Variants in IGFN1 observed in about 807,000 individuals in gnomAD.
IGFN1 encodes the protein immunoglobulin like and fibronectin type III domain containing 1.
IGFN1 carries 253 observed loss-of-function variants against 289.5 expected under a neutral mutation model. The ratio of observed to expected loss-of-function variants is 0.87; its 90% CI spans 0.79 to 0.97. The LOEUF (loss-of-function observed/expected upper bound fraction) is 0.97, where lower values mean the gene tolerates loss of function less well. Among genes scored for constraint, IGFN1 ranks in the 50% least tolerant of loss-of-function variants. IGFN1 has a pLI of 0.00. For missense variants in IGFN1, 4,470 were observed against 4,686.1 expected (o/e 0.95, Z 1.35); for synonymous variants, 1,706 against 1,788.5 (o/e 0.95, Z 1.16).
At position 201,207,784 on chromosome 1, in the gene IGFN1, A is replaced by C; in HGVS notation, c.2891A>C (p.Glu964Ala). Reference sequence around the variant, plus strand: ...GAGGGTGGCTTAGGATATTCTAGGGAAATAAGCTCTAAAAGCGGGGCTGGT... The same window carrying C: ...GAGGGTGGCTTAGGATATTCTAGGGCAATAAGCTCTAAAAGCGGGGCTGGT... ...RYEGGLGYSR[E>A]ISSKSGAGYS... is the part of the protein sequence containing the mutation. The change falls in exon 12 of 24, where the codon GAA becomes GCA. Residue 964 changes from glutamate (E) to alanine (A), a missense_variant. Around this residue, in one of 8 missense-constraint regions of IGFN1, gnomAD observed 2,011 missense variants for 1,953.4 expected, o/e 1.03. Transcript: ENST00000335211. The C allele has an allele frequency of 6.5e-7, 1 of 1,536,312 alleles. No individual in the cohort carries two copies. Among genetic ancestry groups the C allele is most frequent in the South Asian group, 1.2e-5 (1 of 83,944 alleles).
chr1:201,207,857 T>G lies in IGFN1; in HGVS notation c.2964T>G (p.Gly988=), dbSNP rs901616307. 6.5e-6 allele frequency: 10 copies of G among 1,535,856 alleles called. No homozygotes were observed. In the African/African-American group the frequency reaches 1.4e-4, roughly 21 times the overall value. The change falls in exon 12 of 24, where the codon GGT becomes GGG. Residue 988 remains glycine (G), a synonymous_variant. Coordinates refer to ENST00000335211, the MANE Select transcript of IGFN1 (RefSeq NM_001164586.2). The part of the protein sequence containing the change: ...GVPGEMGSGH[G]AGCRVSPRAP... ...CAGGAGAAATGGGGTCCGGCCATGG[T>G]GCTGGTTGTAGAGTTTCCCCTAGGG... is the stretch of plus-strand genomic sequence containing the variant.
In IGFN1 at chr1:201,206,393, C is replaced by T; in HGVS notation, c.1500C>T (p.Ala500=). ...EGFPVAEGSR[A]TLPRENQSHR... is the part of the protein sequence containing the mutation. Reference sequence around the variant, plus strand: ...TTCCAGTAGCAGAGGGAAGCAGAGCCACTCTTCCCAGGGAAAATCAATCCC... The same window carrying T: ...TTCCAGTAGCAGAGGGAAGCAGAGCTACTCTTCCCAGGGAAAATCAATCCC... Residue 500 remains alanine (A), a synonymous_variant, in exon 12 of 24, where the codon GCC becomes GCT. Transcript: ENST00000335211. 2 of 1,550,764 alleles carry T rather than the reference C, an allele frequency of 1.3e-6. No individual in the cohort carries two copies. The highest frequency in any genetic ancestry group is 1.7e-6 in the Non-Finnish European group (2 of 1,146,972).
chr1:201,201,570 G>C (rs934598702), intron 8 of IGFN1, 149 bp from the exon 9 acceptor site: 4 of 566,056 alleles, frequency 7.1e-6, no homozygotes, highest in Middle Eastern at 4.4e-4. Context: ...TCCTTGAGGG[G>C]CTTACTTTCC....
intron 11 of IGFN1, 136 bp from the exon 12 acceptor site, chr1:201,205,947 C>T (rs10920142): frequency 1.6e-4 from 109 of 669,458 alleles, no homozygotes; most frequent in South Asian, 1.6e-3. Context: ...CCTTGCTTCT[C>T]TCCTGGGGAA....
intron 5 of IGFN1, among the ~76,000 whole-genome samples, chr1:201,197,744 G>T (rs186003405): frequency 1.0e-3 from 154 of 152,176 alleles, no homozygotes; most frequent in African/African-American, 3.5e-3. Context: ...GTTTTTTTTG[G>T]TGTGCGTGGT....
Position 201,208,317 on chromosome 1 carries a change from G to A in IGFN1, c.3424G>A (p.Glu1142Lys), listed in dbSNP as rs115832654. The change falls in exon 12 of 24, where the codon GAA (glutamate) becomes AAA (lysine). Residue 1142 changes from glutamate to lysine, a missense_variant. Physicochemically the swap from Glu to Lys is moderately conservative, Grantham distance 56 (BLOSUM62 1). Around this residue, in one of 8 missense-constraint regions of IGFN1, gnomAD observed 2,011 missense variants for 1,953.4 expected, o/e 1.03. Coordinates refer to ENST00000335211, the MANE Select transcript of IGFN1 (RefSeq NM_001164586.2). ...GGGGGCCTTTGGAGAAGGAGGCTAT[G>A]AAGATGGCTCTGGGGGTCCAGGAGC... ...ALGAFGEGGY[E>K]DGSGGPGAMG... The A allele has an allele frequency of 2.8e-4, 428 of 1,515,790 alleles. 2 individuals carry two copies. The African/African-American group carries it at 5.0e-3, about 18-fold the overall frequency. The allele number at this position is 1,515,790 out of a possible 1,614,324, so 93.9% of individuals were successfully genotyped here. A position where few individuals can be genotyped will look rare whatever the true frequency, so the allele number is the denominator to read the frequency against.
rs1020984842 is a variant in IGFN1 at position 201,215,793 on chromosome 1, A to T, written c.9250A>T (p.Ser3084Cys). 3.6e-5 allele frequency: 58 copies of T among 1,597,736 alleles called. No homozygotes were observed. Among genetic ancestry groups the T allele is most frequent in the Non-Finnish European group, 4.8e-5 (56 of 1,170,694 alleles). The change falls in exon 15 of 24, where the codon AGT (serine) becomes TGT (cysteine). Residue 3084 changes from serine to cysteine, a missense_variant. Around this residue, in one of 8 missense-constraint regions of IGFN1, gnomAD observed 2,218 missense variants for 2,114.1 expected, o/e 1.05. Coordinates refer to ENST00000335211, the MANE Select transcript of IGFN1 (RefSeq NM_001164586.2). ...TGGCCAGTACAGCGTGACACTGAGG[A>T]GTGAGGGAGGCTCTGTGCAGGCCGA... The part of the protein sequence containing the change: ...DCGQYSVTLR[S>C]EGGSVQAELT...
chr1:201,207,777 T>A lies in IGFN1; in HGVS notation c.2884T>A (p.Ser962Thr), dbSNP rs1159875751. The change falls in exon 12 of 24, where the codon TCT (serine) becomes ACT (threonine). Residue 962 changes from serine to threonine, a missense_variant. Physicochemically the swap from Ser to Thr is moderately conservative, Grantham distance 58 (BLOSUM62 1). Coordinates refer to ENST00000335211, the MANE Select transcript of IGFN1 (RefSeq NM_001164586.2). ...TAGGTACGAGGGTGGCTTAGGATATTCTAGGGAAATAAGCTCTAAAAGCGG... is the reference window on the plus strand; with the variant it reads ...TAGGTACGAGGGTGGCTTAGGATATACTAGGGAAATAAGCTCTAAAAGCGG... Reference protein sequence around the residue: ...ESRYEGGLGYSREISSKSGAG... With the variant: ...ESRYEGGLGYTREISSKSGAG... 7.2e-6 allele frequency: 11 copies of A among 1,536,238 alleles called. No individual in the cohort carries two copies. The Admixed American group carries it at 2.2e-4, about 30-fold the overall frequency.
chr1:201,224,587 A>C (rs1384650254), intron 20 of IGFN1, 92 bp from the exon 21 acceptor site: 2 of 1,026,826 alleles, frequency 1.9e-6, no homozygotes, highest in East Asian at 4.9e-5. Context: ...GACTCTTCTC[A>C]CCGCTTCTAC....
chr1:201,217,176 A>G, intron 16 of IGFN1, 111 bp from the exon 17 acceptor site: 1 of 919,144 alleles, frequency 1.1e-6, no homozygotes. Context: ...TCACCAGGAC[A>G]GGGCGGAGTG....
In IGFN1 at chr1:201,218,657, G is replaced by A; in HGVS notation, c.9897G>A (p.Met3299Ile). 3.7e-6 allele frequency: 6 copies of A among 1,602,780 alleles called. No homozygotes were observed. Among genetic ancestry groups the A allele is most frequent in the South Asian group, 1.1e-5 (1 of 90,356 alleles). Reference sequence around the variant, plus strand: ...ATGCTGTCTTTGCTCGGGACCCCATGAGTAAGTAGGGCACCAACCCAGGAT... The same window carrying A: ...ATGCTGTCTTTGCTCGGGACCCCATAAGTAAGTAGGGCACCAACCCAGGAT... Reference protein sequence around the residue: ...PSDAVFARDPMRPPGLVRNLQ... With the variant: ...PSDAVFARDPIRPPGLVRNLQ... The change falls in exon 18 of 24, where the codon ATG (methionine) becomes ATA (isoleucine). Residue 3299 changes from methionine (M) to isoleucine (I), a missense_variant and splice_region_variant. Coordinates refer to ENST00000335211, the MANE Select transcript of IGFN1 (RefSeq NM_001164586.2).
intron 21 of IGFN1, among the ~76,000 whole-genome samples, chr1:201,225,088 G>T (rs904522507): frequency 6.6e-6 from 1 of 152,246 alleles, no homozygotes; most frequent in Non-Finnish European, 1.5e-5. Context: ...TGCCTCAGGA[G>T]CCTAGAGACA....
Position 201,212,281 on chromosome 1 carries a change from C to G in IGFN1, c.7388C>G (p.Ser2463Cys), listed in dbSNP as rs1158217279. ...GRQTLSDERG[S>C]TKDLGGYGTS... is the part of the protein sequence containing the mutation. ...CAGACTCTTTCAGATGAGCGAGGCT[C>G]CACCAAAGATCTTGGGGGCTATGGA... is the stretch of plus-strand genomic sequence containing the variant. Residue 2463 changes from serine to cysteine, a missense_variant, in exon 12 of 24, where the codon TCC (serine) becomes TGC (cysteine). By Grantham distance (112) the Ser-to-Cys change is moderately radical. Around this residue, in one of 8 missense-constraint regions of IGFN1, gnomAD observed 2,218 missense variants for 2,114.1 expected, o/e 1.05. Coordinates refer to ENST00000335211, the MANE Select transcript of IGFN1 (RefSeq NM_001164586.2). The G allele has an allele frequency of 3.3e-6, 5 of 1,536,142 alleles. No homozygotes were observed. Among genetic ancestry groups the G allele is most frequent in the Admixed American group, 3.9e-5 (2 of 50,930 alleles).
chr1:201,206,030 C>G lies in IGFN1; in HGVS notation c.1190-53C>G, dbSNP rs1183975962. On this transcript the variant is annotated intron_variant, in intron 11 of 23. Coordinates refer to ENST00000335211, the MANE Select transcript of IGFN1 (RefSeq NM_001164586.2). ...TTTAACAGGAGTTTTGGTATTTTCT[C>G]TTGTCTCTCCATGTGGGCACTGACC... 3 of 1,269,278 alleles carry G rather than the reference C, an allele frequency of 2.4e-6. No individual in the cohort carries two copies. The African/African-American group carries it at 4.5e-5, about 19-fold the overall frequency. 78.6% of individuals were successfully genotyped at this position (1,269,278 alleles called of 1,614,324 possible). A position where few individuals can be genotyped will look rare whatever the true frequency, so the allele number is the denominator to read the frequency against.
intron 20 of IGFN1, chr1:201,223,195 TG>T (rs944104249): frequency 2.1e-4 from 35 of 169,178 alleles, no homozygotes; most frequent in African/African-American, 7.3e-4. Context: ...AATGTATTTT[TG>T]TGCAAGCACA....
At chr1:201,198,359 C>T (rs1667002060) in intron 5 of IGFN1, among the ~76,000 whole-genome samples, 1 of 152,246 alleles carries the variant, frequency 6.6e-6, no homozygotes, top group Non-Finnish European at 1.5e-5. Context: ...TGGTCTCGAA[C>T]TCCTGACCTC....
Position 201,203,785 on chromosome 1 carries a change from T to C in IGFN1, c.795T>C (p.Cys265=). The C allele has an allele frequency of 6.4e-7, 1 of 1,551,840 alleles. No individual in the cohort carries two copies. Among genetic ancestry groups the C allele is most frequent in the Non-Finnish European group, 8.7e-7 (1 of 1,147,044 alleles). ...PYGFNNQTKH[C]LRRLGKRYEF... ...GCTTCAACAACCAAACCAAGCACTG[T>C]CTGCGCCGGCTGGGGAAGCGCTATG... The change falls in exon 10 of 24, where the codon TGT becomes TGC. Residue 265 remains cysteine (C), a synonymous_variant. Coordinates refer to ENST00000335211, the MANE Select transcript of IGFN1 (RefSeq NM_001164586.2).
chr1:201,197,082 C>T, intron 4 of IGFN1, 136 bp from the exon 5 acceptor site: 1 of 570,826 alleles, frequency 1.8e-6, no homozygotes, highest in Non-Finnish European at 3.2e-6. Context: ...GTCTGTCTTT[C>T]CTGATAAAGA....
At chr1:201,225,678 G>T (rs767779404) in intron 21 of IGFN1, 146 bp from the exon 22 acceptor site, 35 of 627,380 alleles carry the variant, frequency 5.6e-5, no homozygotes, top group Non-Finnish European at 8.4e-5. Flanking sequence ...ACTGTGGACC[G>T]CTGGCCAAGC....
Sources: gnomAD v4.1 joint callset for allele counts (sites outside exome capture counted in the v4.1 genomes callset) on GRCh38, gnomAD v4.1.1 for gene constraint, gnomAD v4.1.1 regional missense constraint, MANE v1.5 for transcripts, NCBI Gene and HGNC (gene_info 2026-07-23, HGNC 2026-07-21) for gene names.